The following ATP6V1H variants were observed in gnomAD, a reference collection of about 807,000 sequenced individuals.
The protein encoded by ATP6V1H is V-type proton ATPase subunit H.
ATP6V1H carries 39 observed loss-of-function variants against 71.7 expected under a neutral mutation model. The observed-to-expected ratio is 0.54, with a 90% CI of 0.42 to 0.71. The LOEUF (loss-of-function observed/expected upper bound fraction) is 0.71, where lower values mean the gene tolerates loss of function less well. ATP6V1H is among the 30% of genes least tolerant of loss of function. ATP6V1H has a pLI of 0.00. For synonymous variants in ATP6V1H, 192 were observed against 199.3 expected (o/e 0.96, Z 0.31); for missense variants, 509 against 594.9 (o/e 0.86, Z 1.50).
At chr8:53,741,052 C>T (rs988035860) in intron 13 of ATP6V1H, among the ~76,000 whole-genome samples, 4 of 151,976 alleles carry the variant, frequency 2.6e-5, no homozygotes, top group African/African-American at 4.8e-5. Flanking sequence ...AAAAAGTTTG[C>T]CATATAATTA....
intron 13 of ATP6V1H, among the ~76,000 whole-genome samples, chr8:53,720,380 A>G (rs2130077000): frequency 6.6e-6 from 1 of 152,326 alleles, no homozygotes; most frequent in Non-Finnish European, 1.5e-5. Flanking sequence ...CTGATGAAGA[A>G]ACACTGAAAA....
chr8:53,797,740 T>A (rs1809787967), intron 8 of ATP6V1H, among the ~76,000 whole-genome samples: 3 of 152,020 alleles, frequency 2.0e-5, no homozygotes, highest in Non-Finnish European at 4.4e-5. Context: ...TGGCTCAAGC[T>A]GCTAATCCTA....
chr8:53,781,010 T>A (rs963658985), intron 9 of ATP6V1H, among the ~76,000 whole-genome samples: 1 of 152,242 alleles, frequency 6.6e-6, no homozygotes, highest in Non-Finnish European at 1.5e-5. Flanking sequence ...TACGTGTGCA[T>A]GTGTCTTTAT....
intron 9 of ATP6V1H, among the ~76,000 whole-genome samples, chr8:53,790,871 G>A (rs1296085719): frequency 4.6e-5 from 7 of 152,178 alleles, no homozygotes; most frequent in African/African-American, 1.4e-4. Context: ...AGGGGGCTCC[G>A]TATGTGGGAG....
intron 13 of ATP6V1H, among the ~76,000 whole-genome samples, chr8:53,727,076 G>A (rs1437904249): frequency 2.0e-5 from 3 of 152,216 alleles, no homozygotes; most frequent in African/African-American, 7.2e-5. Context: ...AGTCTCACTA[G>A]TAGAAGGAGT....
intron 9 of ATP6V1H, among the ~76,000 whole-genome samples, chr8:53,775,593 T>A (rs1808848780): frequency 6.6e-6 from 1 of 152,058 alleles, no homozygotes; most frequent in African/African-American, 2.4e-5. Flanking sequence ...AGATACAGAG[T>A]GTCGATTGGT....
At chr8:53,765,399 CAA>C (rs36191418) in intron 11 of ATP6V1H, among the ~76,000 whole-genome samples, 3 of 39,742 alleles carry the variant, frequency 7.5e-5, no homozygotes, top group Non-Finnish European at 1.4e-4. Context: ...GACTCTGTCT[CAA>C]AAAAAAAAAA....
intron 13 of ATP6V1H, among the ~76,000 whole-genome samples, chr8:53,742,967 T>C (rs1417055897): frequency 6.6e-6 from 1 of 152,184 alleles, no homozygotes; most frequent in Admixed American, 6.5e-5. Flanking sequence ...TCAAGGGGAA[T>C]CTTCATTTCT....
At chr8:53,783,714 T>A (rs1809255708) in intron 9 of ATP6V1H, among the ~76,000 whole-genome samples, 1 of 152,224 alleles carries the variant, frequency 6.6e-6, no homozygotes, top group Admixed American at 6.5e-5. Flanking sequence ...CTGCTTTGAA[T>A]GTGTCCCAGA....
chr8:53,828,171 T>C (rs1472452986), intron 4 of ATP6V1H, among the ~76,000 whole-genome samples: 5 of 152,188 alleles, frequency 3.3e-5, no homozygotes, highest in African/African-American at 1.2e-4. Flanking sequence ...TTTTAGCTCT[T>C]TGAAGAATCA....
intron 5 of ATP6V1H, among the ~76,000 whole-genome samples, chr8:53,815,752 T>C (rs1182911417): frequency 6.6e-6 from 1 of 152,234 alleles, no homozygotes; most frequent in Non-Finnish European, 1.5e-5. Flanking sequence ...TTAAAAAGAT[T>C]ACTGTTAGGA....
chr8:53,836,863 G>C (rs1811173809), intron 2 of ATP6V1H, among the ~76,000 whole-genome samples: 1 of 152,164 alleles, frequency 6.6e-6, no homozygotes. Context: ...GATAGAAGCT[G>C]GGCATGGTGG....
intron 13 of ATP6V1H, among the ~76,000 whole-genome samples, chr8:53,724,653 G>A (rs927102650): frequency 4.8e-5 from 7 of 147,198 alleles, no homozygotes; most frequent in South Asian, 2.2e-4. Flanking sequence ...ACGGCAGTGC[G>A]CTGAGCTGAA....
intron 9 of ATP6V1H, among the ~76,000 whole-genome samples, chr8:53,788,018 T>C (rs1434005589): frequency 6.6e-6 from 1 of 152,214 alleles, no homozygotes; most frequent in African/African-American, 2.4e-5. Context: ...AAAATCTTTT[T>C]TAAAGGTTAC....
chr8:53,735,443 C>T (rs1046902685), intron 13 of ATP6V1H, among the ~76,000 whole-genome samples: 1 of 152,120 alleles, frequency 6.6e-6, no homozygotes, highest in Admixed American at 6.5e-5. Flanking sequence ...AAAGGTAAAA[C>T]ACATAAACTG....
chr8:53,831,500 G>A (rs541859843), intron 3 of ATP6V1H, among the ~76,000 whole-genome samples: 67 of 152,166 alleles, frequency 4.4e-4, no homozygotes, highest in Non-Finnish European at 6.3e-4. Context: ...AGAAGCAATC[G>A]ATATGGATAC....
At chr8:53,725,484 G>A (rs1806781082) in intron 13 of ATP6V1H, among the ~76,000 whole-genome samples, 1 of 150,456 alleles carries the variant, frequency 6.6e-6, no homozygotes, top group African/African-American at 2.5e-5. Context: ...TCAGTGGTTT[G>A]TCTGTGGTTT....
At chr8:53,816,696 T>A (rs552376533) in intron 5 of ATP6V1H, among the ~76,000 whole-genome samples, 5 of 152,020 alleles carry the variant, frequency 3.3e-5, no homozygotes, top group Admixed American at 2.6e-4. Context: ...CTCAGGAGGC[T>A]GAGGCAGGAG....
In ATP6V1H at chr8:53,772,103, C is replaced by G; in HGVS notation, c.935G>C (p.Cys312Ser). The G allele has an allele frequency of 6.2e-7, 1 of 1,614,038 alleles. No individual in the cohort carries two copies. The change falls in exon 10 of 14, where the codon TGC becomes TCC. Residue 312 changes from cysteine (C) to serine (S), a missense_variant. Transcript: ENST00000359530. ...RQEYALAMIQ[C>S]KVLKQLENLE... Reference sequence around the variant, plus strand: ...GTTCTCCAACTGTTTCAGAACTTTGCACTGAATCATAGCCAGGGCATATTC... The same window carrying G: ...GTTCTCCAACTGTTTCAGAACTTTGGACTGAATCATAGCCAGGGCATATTC...
Sources: gnomAD v4.1 joint callset for allele counts (sites outside exome capture counted in the v4.1 genomes callset) on GRCh38, gnomAD v4.1.1 for gene constraint, MANE v1.5 for transcripts, NCBI Gene and HGNC (gene_info 2026-07-23, HGNC 2026-07-21) for gene names.